Variants in ADAMTS12 observed in about 807,000 individuals in gnomAD.
ADAMTS12 encodes ADAM metallopeptidase with thrombospondin type 1 motif 12.
Under a neutral mutation model 167.8 loss-of-function variants are expected in ADAMTS12, and 118 were observed. That is an observed-to-expected ratio of 0.70 (90% CI 0.61 to 0.82). The LOEUF is 0.82. Ranked by LOEUF, ADAMTS12 falls within the 40% of genes least tolerant of loss-of-function variation. The pLI, the probability that ADAMTS12 is intolerant of heterozygous loss-of-function variation, is 0.00. For synonymous variants in ADAMTS12, 704 were observed against 716.9 expected, an observed-to-expected ratio of 0.98 and a Z score of 0.29; for missense variants, 1,916 against 1,998.8, an observed-to-expected ratio of 0.96 and a Z score of 0.79.
rs1561139668 is a variant in ADAMTS12, at chr5:33,576,652, C to T, written c.3374G>A (p.Ser1125Asn). The change falls in exon 19 of 24, where the codon AGT (serine) becomes AAT (asparagine). Residue 1125 changes from serine to asparagine, a missense_variant. By Grantham distance (46) the Ser-to-Asn change is conservative. Transcript: ENST00000504830. The part of the protein sequence containing the change: ...SEGGLVATTT[S>N]GSGLSSSRNP... ...GCGGGAAGATGACAAGCCAGAACCACTTGTTGTTGTAGCTACAAGGCCTCC... is the reference window on the plus strand; with the variant it reads ...GCGGGAAGATGACAAGCCAGAACCATTTGTTGTTGTAGCTACAAGGCCTCC... 2 of 1,614,096 alleles carry T rather than the reference C, an allele frequency of 1.2e-6. No individual in the cohort carries two copies. The highest frequency in any genetic ancestry group is 1.3e-5 in the African/African-American group (1 of 74,920).
At chr5:33,849,173 CAA>C (rs1749084919) in intron 2 of ADAMTS12, among the ~76,000 whole-genome samples, 2 of 65,268 alleles carry the variant, frequency 3.1e-5, no homozygotes, top group South Asian at 4.3e-4. Context: ...TATTGCATAG[CAA>C]TATATATATG....
intron 9 of ADAMTS12, 49 bp from the exon 10 acceptor site, chr5:33,643,519 G>T: frequency 6.5e-7 from 1 of 1,541,916 alleles, no homozygotes; most frequent in Non-Finnish European, 9.0e-7. Context: ...CTGCCACAAA[G>T]CATTTCTATA....
chr5:33,679,067 G>A (rs996253273), intron 5 of ADAMTS12, among the ~76,000 whole-genome samples: 6 of 152,162 alleles, frequency 3.9e-5, no homozygotes, highest in Non-Finnish European at 7.3e-5. Flanking sequence ...GGGACAAACC[G>A]AAGTGCGAGT....
intron 19 of ADAMTS12, among the ~76,000 whole-genome samples, chr5:33,572,119 C>A (rs1429152526): frequency 6.6e-6 from 1 of 152,006 alleles, no homozygotes; most frequent in Admixed American, 6.6e-5. Flanking sequence ...GCTTACCAAC[C>A]AAAAAGAGTC....
chr5:33,737,594 T>A (rs1744417939), intron 3 of ADAMTS12, among the ~76,000 whole-genome samples: 1 of 152,216 alleles, frequency 6.6e-6, no homozygotes, highest in Non-Finnish European at 1.5e-5. Flanking sequence ...CACAATTTTT[T>A]AAAAAAGTCA....
chr5:33,655,592 T>A (rs1027677027), intron 7 of ADAMTS12, among the ~76,000 whole-genome samples: 2 of 127,544 alleles, frequency 1.6e-5, no homozygotes, highest in African/African-American at 2.7e-5. Flanking sequence ...CTCAAATCCT[T>A]GTCTCGGGGT....
intron 23 of ADAMTS12, among the ~76,000 whole-genome samples, chr5:33,533,452 A>C (rs1744216599): frequency 6.6e-6 from 1 of 152,188 alleles, no homozygotes; most frequent in African/African-American, 2.4e-5. Context: ...TTGTTAAATG[A>C]AGATTCTAAT....
intron 2 of ADAMTS12, among the ~76,000 whole-genome samples, chr5:33,803,817 A>G (rs937414560): frequency 3.3e-5 from 5 of 152,176 alleles, no homozygotes; most frequent in Non-Finnish European, 1.5e-5. Context: ...AGACTTATTC[A>G]TTATCACAAG....
intron 2 of ADAMTS12, among the ~76,000 whole-genome samples, chr5:33,844,394 C>A (rs917954248): frequency 6.6e-6 from 1 of 152,106 alleles, no homozygotes; most frequent in Non-Finnish European, 1.5e-5. Flanking sequence ...AAGGAACATC[C>A]CTGAGAAAGA....
At chr5:33,663,208 A>G (rs1741329665) in intron 5 of ADAMTS12, among the ~76,000 whole-genome samples, 1 of 152,246 alleles carries the variant, frequency 6.6e-6, no homozygotes, top group African/African-American at 2.4e-5. Flanking sequence ...CACTGACTTC[A>G]TTATTTAATA....
intron 2 of ADAMTS12, among the ~76,000 whole-genome samples, chr5:33,783,561 C>T (rs996320555): frequency 6.6e-6 from 1 of 151,882 alleles, no homozygotes; most frequent in African/African-American, 2.4e-5. Flanking sequence ...ATCTGCCCCG[C>T]AGAAATTAAA....
chr5:33,569,272 G>A (rs1746179689), intron 19 of ADAMTS12, among the ~76,000 whole-genome samples: 1 of 152,268 alleles, frequency 6.6e-6, no homozygotes, highest in Non-Finnish European at 1.5e-5. Flanking sequence ...CTGGAGATCT[G>A]AGAACGGGCA....
intron 5 of ADAMTS12, among the ~76,000 whole-genome samples, chr5:33,668,737 G>C (rs1741565535): frequency 6.6e-6 from 1 of 152,178 alleles, no homozygotes; most frequent in Non-Finnish European, 1.5e-5. Context: ...ATCTGCCTTG[G>C]CCTCCCAAAG....
intron 20 of ADAMTS12, among the ~76,000 whole-genome samples, chr5:33,555,921 G>A (rs1745470282): frequency 6.6e-6 from 1 of 152,164 alleles, no homozygotes; most frequent in Non-Finnish European, 1.5e-5. Context: ...ACTGGGGAGT[G>A]AACACCTTCT....
intron 2 of ADAMTS12, among the ~76,000 whole-genome samples, chr5:33,778,548 T>G (rs1746000433): frequency 6.7e-6 from 1 of 149,182 alleles, no homozygotes; most frequent in African/African-American, 2.6e-5. Flanking sequence ...ACTTAAAACC[T>G]AAAACTAAAA....
intron 3 of ADAMTS12, among the ~76,000 whole-genome samples, chr5:33,722,693 C>T (rs904318971): frequency 6.6e-6 from 1 of 152,310 alleles, no homozygotes; most frequent in African/African-American, 2.4e-5. Context: ...GGAACATCTA[C>T]TCTACCAACA....
chr5:33,761,308 G>A (rs1398237917), intron 2 of ADAMTS12, among the ~76,000 whole-genome samples: 13 of 152,220 alleles, frequency 8.5e-5, no homozygotes, highest in Non-Finnish European at 1.9e-4. Context: ...ACCCTGGAAG[G>A]AGGGGCAGCC....
chr5:33,855,799 T>C (rs182592544), intron 2 of ADAMTS12, among the ~76,000 whole-genome samples: 38 of 152,310 alleles, frequency 2.5e-4, no homozygotes, highest in African/African-American at 6.3e-4. Context: ...TCACAGCTCA[T>C]TGCAGCCTTG....
chr5:33,813,212 C>T (rs949733063), intron 2 of ADAMTS12, among the ~76,000 whole-genome samples: 1 of 152,206 alleles, frequency 6.6e-6, no homozygotes, highest in African/African-American at 2.4e-5. Context: ...TCTGCATCCT[C>T]CCCAATAGTT....
Sources: gnomAD v4.1 joint callset for allele counts (sites outside exome capture counted in the v4.1 genomes callset) on GRCh38, gnomAD v4.1.1 for gene constraint, MANE v1.5 for transcripts, NCBI Gene and HGNC (gene_info 2026-07-23, HGNC 2026-07-21) for gene names.